NR5A2: variants seen among roughly 807,000 people sequenced by gnomAD.
NR5A2 encodes the protein nuclear receptor subfamily 5 group A member 2, also known as CYP7A promoter-binding factor.
In NR5A2, 26 loss-of-function variants were observed where a neutral mutation model predicts 62.7. The ratio of observed to expected loss-of-function variants is 0.41; its 90% confidence interval spans 0.30 to 0.58. NR5A2 has a LOEUF of 0.58. Ranked by LOEUF, NR5A2 falls within the 20% of genes least tolerant of loss-of-function variation. NR5A2 has a pLI of 0.22. For synonymous variants in NR5A2, 246 were observed against 241.7 expected (o/e 1.02, Z -0.16); for missense variants, 541 against 669.1 (o/e 0.81, Z 2.11).
intron 7 of NR5A2, among the ~76,000 whole-genome samples, chr1:200,150,594 T>C (rs1653036885): frequency 6.6e-6 from 1 of 152,144 alleles, no homozygotes. Flanking sequence ...GGTATAATTG[T>C]TTTAGAGTTA....
chr1:200,080,173 A>G (rs1664230826), intron 5 of NR5A2, among the ~76,000 whole-genome samples: 1 of 152,200 alleles, frequency 6.6e-6, no homozygotes, highest in African/African-American at 2.4e-5. Flanking sequence ...AACAAGAACC[A>G]TCAGGCAATG....
At chr1:200,086,594 C>T (rs750530744) in intron 5 of NR5A2, among the ~76,000 whole-genome samples, 1 of 152,146 alleles carries the variant, frequency 6.6e-6, no homozygotes, top group African/African-American at 2.4e-5. Flanking sequence ...TGAGCCATTG[C>T]GCCGGCCTGA....
chr1:200,040,531 A>AT (rs1662014764), intron 2 of NR5A2, among the ~76,000 whole-genome samples: 1 of 150,486 alleles, frequency 6.6e-6, no homozygotes, highest in Admixed American at 6.6e-5. Flanking sequence ...CGCTGGCTAC[A>AT]TTTTCTCCTC....
intron 2 of NR5A2, chr1:200,042,723 C>A (rs569722895): frequency 3.6e-6 from 3 of 831,118 alleles, no homozygotes; most frequent in East Asian, 1.2e-4. Flanking sequence ...CCCGCCCACC[C>A]GCGCCCCGCG....
At chr1:200,086,848 G>C (rs1304461226) in intron 5 of NR5A2, among the ~76,000 whole-genome samples, 1 of 151,800 alleles carries the variant, frequency 6.6e-6, no homozygotes, top group Admixed American at 6.6e-5. Flanking sequence ...AGACTAGCCT[G>C]ACCTACATGG....
At position 200,114,498 on chromosome 1, in the gene NR5A2, C is replaced by T. The variant is rs547671120; in HGVS notation, c.1230+3177C>T. On this transcript the variant is annotated intron_variant, in intron 6 of 7. Transcript: ENST00000367362. The stretch of plus-strand genomic sequence containing the variant: ...ATTTAGAATTGGAACAACCTGTTTT[C>T]GTGTCTCCATTCCAAAACTTCCTGG... Among the ~76,000 whole-genome samples the T allele has an allele frequency of 1.5e-4, 23 of 152,170 alleles. No individual in the cohort carries two copies. In the South Asian group the frequency reaches 3.3e-3, roughly 22 times the overall value.
intron 1 of NR5A2, among the ~76,000 whole-genome samples, chr1:200,034,493 T>C (rs1661674145): frequency 6.6e-6 from 1 of 151,436 alleles, no homozygotes; most frequent in Non-Finnish European, 1.5e-5. Context: ...AGTGAAAAGG[T>C]TCTTCAGTGA....
At chr1:200,034,237 C>G (rs368235515) in intron 1 of NR5A2, among the ~76,000 whole-genome samples, 2 of 152,128 alleles carry the variant, frequency 1.3e-5, no homozygotes, top group East Asian at 1.9e-4. Context: ...CTGTTGGCCC[C>G]GAGGCTGGAC....
intron 7 of NR5A2, among the ~76,000 whole-genome samples, chr1:200,145,471 TGTGTGTGTGTGTGTG>T (rs1667656325): frequency 3.9e-5 from 1 of 25,598 alleles, no homozygotes; most frequent in African/African-American, 2.7e-4. Context: ...ATAGAATTTG[TGTGTGTGTGTGTGTG>T]TGTGTGTGTG....
intron 5 of NR5A2, among the ~76,000 whole-genome samples, chr1:200,051,334 G>A (rs76246746): frequency 0.014 from 2,120 of 152,256 alleles, 49 homozygotes; most frequent in African/African-American, 0.049. Context: ...GCATTAAGAA[G>A]GCTGGGAAAA....
At chr1:200,051,777 A>C (rs1662644996) in intron 5 of NR5A2, among the ~76,000 whole-genome samples, 1 of 152,178 alleles carries the variant, frequency 6.6e-6, no homozygotes, top group Non-Finnish European at 1.5e-5. Context: ...TTATAAATTT[A>C]CTTTGTCAGA....
At chr1:200,112,424 T>G (rs1665995259) in intron 6 of NR5A2, among the ~76,000 whole-genome samples, 2 of 152,224 alleles carry the variant, frequency 1.3e-5, no homozygotes, top group Admixed American at 6.5e-5. Flanking sequence ...CCCACTGCAT[T>G]GTTCAGCAAT....
At chr1:200,112,249 T>C in intron 6 of NR5A2, among the ~76,000 whole-genome samples, 1 of 152,198 alleles carries the variant, frequency 6.6e-6, no homozygotes, top group East Asian at 1.9e-4. Flanking sequence ...GCTTTGTGAA[T>C]GTCTTTGGAG....
chr1:200,053,650 G>C (rs879447881), intron 5 of NR5A2, among the ~76,000 whole-genome samples: 1 of 151,332 alleles, frequency 6.6e-6, no homozygotes, highest in African/African-American at 2.4e-5. Flanking sequence ...ACAGTCCTTT[G>C]CCAGTGAAGC....
rs1287508350 is a variant in NR5A2 at position 200,174,722 on chromosome 1, C to T, written c.*512C>T. ...CCTCTTCCTTTGAAGGCCCCAGCAC[C>T]TCTGCCCTGTGGTCACCGAATCTGT... On this transcript the variant is annotated 3_prime_UTR_variant, in exon 8 of 8. Transcript: ENST00000367362. 1.3e-5 allele frequency: 2 copies of T among 152,742 alleles called. No individual in the cohort carries two copies. Among genetic ancestry groups the T allele is most frequent in the Non-Finnish European group, 2.9e-5 (2 of 68,168 alleles). The allele number at this position is 152,742 out of a possible 1,614,324, so 9.5% of individuals were successfully genotyped here.
intron 7 of NR5A2, among the ~76,000 whole-genome samples, chr1:200,129,471 C>T (rs999979892): frequency 2.0e-5 from 3 of 152,212 alleles, no homozygotes; most frequent in African/African-American, 4.8e-5. Context: ...TTCTCCTTGT[C>T]TGTTTTTCTT....
intron 7 of NR5A2, among the ~76,000 whole-genome samples, chr1:200,146,553 C>T (rs1667702461): frequency 6.6e-6 from 1 of 152,170 alleles, no homozygotes; most frequent in Admixed American, 6.5e-5. Context: ...CAACTGAAGA[C>T]ATATTTAAGA....
At chr1:200,074,506 G>A (rs1052004756) in intron 5 of NR5A2, among the ~76,000 whole-genome samples, 3 of 151,774 alleles carry the variant, frequency 2.0e-5, no homozygotes, top group Admixed American at 6.6e-5. Context: ...GGGAGGCCGA[G>A]GCGGGCAGAT....
intron 7 of NR5A2, among the ~76,000 whole-genome samples, chr1:200,146,288 C>T (rs889309874): frequency 6.6e-6 from 1 of 152,224 alleles, no homozygotes; most frequent in Non-Finnish European, 1.5e-5. Flanking sequence ...GATCTGTCTA[C>T]AGCACTCCAA....
Sources: gnomAD v4.1 joint callset for allele counts (sites outside exome capture counted in the v4.1 genomes callset) on GRCh38, gnomAD v4.1.1 for gene constraint, MANE v1.5 for transcripts, NCBI Gene and HGNC (gene_info 2026-07-23, HGNC 2026-07-21) for gene names.